The following ADAMTSL1 variants were observed in gnomAD, a reference collection of about 807,000 sequenced individuals.
The protein encoded by ADAMTSL1 is ADAMTS like 1.
ADAMTSL1 carries 126 observed loss-of-function variants against 201.8 expected under a neutral mutation model. The ratio of observed to expected loss-of-function variants is 0.62; its 90% CI spans 0.54 to 0.72. The LOEUF (loss-of-function observed/expected upper bound fraction) is 0.72. ADAMTSL1 is among the 30% of genes least tolerant of loss of function. The pLI is 0.00. For missense variants in ADAMTSL1, 2,679 were observed against 2,277.8 expected, an observed-to-expected ratio of 1.18 and a Z score of -3.59; for synonymous variants, 1,121 against 903.4, an observed-to-expected ratio of 1.24 and a Z score of -4.32.
intron 5 of ADAMTSL1, among the ~76,000 whole-genome samples, chr9:18,631,718 T>C (rs543669133): frequency 5.3e-4 from 81 of 152,212 alleles, no homozygotes; most frequent in Non-Finnish European, 9.0e-4. Context: ...ATATTCTATA[T>C]AGAAAGTTGT....
intron 23 of ADAMTSL1, among the ~76,000 whole-genome samples, chr9:18,863,971 ACT>A (rs1253163051): frequency 6.6e-6 from 1 of 152,098 alleles, no homozygotes; most frequent in Non-Finnish European, 1.5e-5. Context: ...AGTAAGTTTA[ACT>A]CTGTGAAAAA....
intron 23 of ADAMTSL1, among the ~76,000 whole-genome samples, chr9:18,856,969 G>A (rs10963805): frequency 0.094 from 14,276 of 152,110 alleles, 916 homozygotes; most frequent in Middle Eastern, 0.21. Context: ...CTGAGCCATC[G>A]GCAATTTCAC....
intron 14 of ADAMTSL1, among the ~76,000 whole-genome samples, chr9:18,715,191 CCT>C (rs1221645326): frequency 2.0e-5 from 3 of 148,754 alleles, no homozygotes; most frequent in Non-Finnish European, 4.5e-5. Context: ...ACAGGGATGC[CCT>C]CTCTCACCAC....
chr9:18,819,196 C>A (rs549042130), intron 21 of ADAMTSL1, among the ~76,000 whole-genome samples: 72 of 152,274 alleles, frequency 4.7e-4, no homozygotes, highest in African/African-American at 1.5e-3. Flanking sequence ...GGACTCACAC[C>A]TGTAATCACA....
intron 16 of ADAMTSL1, among the ~76,000 whole-genome samples, chr9:18,758,636 C>T (rs1256748352): frequency 2.0e-5 from 3 of 152,192 alleles, no homozygotes; most frequent in Non-Finnish European, 4.4e-5. Context: ...GACTCAGACC[C>T]TCCTGCCTCC....
intron 2 of ADAMTSL1, among the ~76,000 whole-genome samples, chr9:18,431,978 A>C (rs1393815348): frequency 6.6e-6 from 1 of 152,202 alleles, no homozygotes; most frequent in Non-Finnish European, 1.5e-5. Context: ...GAAAACTGAA[A>C]GCCCATAGCA....
chr9:18,265,741 A>G (rs1449092631), intron 2 of ADAMTSL1, among the ~76,000 whole-genome samples: 1 of 152,226 alleles, frequency 6.6e-6, no homozygotes, highest in African/African-American at 2.4e-5. Flanking sequence ...TCTTAAATAG[A>G]ATCATTACAC....
At chr9:18,233,038 T>G (rs374743444) in intron 2 of ADAMTSL1, among the ~76,000 whole-genome samples, 3 of 152,218 alleles carry the variant, frequency 2.0e-5, no homozygotes, top group South Asian at 4.1e-4. Context: ...CTACATCTCA[T>G]CTAGGAAACT....
chr9:18,251,892 C>T (rs72684967), intron 2 of ADAMTSL1, among the ~76,000 whole-genome samples: 5,094 of 152,222 alleles, frequency 0.033, 129 homozygotes, highest in Non-Finnish European at 0.054. Context: ...CTAAATAAAA[C>T]TGGATAGCAT....
chr9:17,913,769 C>T (rs747232130), intron 1 of ADAMTSL1, among the ~76,000 whole-genome samples: 22 of 151,484 alleles, frequency 1.5e-4, no homozygotes, highest in African/African-American at 4.4e-4. Flanking sequence ...ATTGATAGAC[C>T]GCTAGCGAGA....
At chr9:18,028,998 T>A (rs1820817229) in intron 1 of ADAMTSL1, among the ~76,000 whole-genome samples, 2 of 152,184 alleles carry the variant, frequency 1.3e-5, no homozygotes, top group South Asian at 2.1e-4. Flanking sequence ...GATGGATTCC[T>A]AGGTATTTTA....
chr9:18,253,447 T>G (rs566004025), intron 2 of ADAMTSL1, among the ~76,000 whole-genome samples: 3 of 152,188 alleles, frequency 2.0e-5, no homozygotes, highest in Non-Finnish European at 2.9e-5. Flanking sequence ...TTATCAAAGA[T>G]AGTGTAAAAA....
intron 1 of ADAMTSL1, among the ~76,000 whole-genome samples, chr9:18,123,658 C>T (rs539561470): frequency 3.3e-5 from 5 of 152,174 alleles, no homozygotes; most frequent in African/African-American, 1.2e-4. Flanking sequence ...TGTATAGGTT[C>T]AATGAATTTT....
intron 2 of ADAMTSL1, among the ~76,000 whole-genome samples, chr9:18,174,344 A>G (rs1045184775): frequency 2.0e-5 from 3 of 152,088 alleles, no homozygotes; most frequent in Non-Finnish European, 2.9e-5. Context: ...TCAGTAGTTG[A>G]AGGCAGTTGA....
chr9:18,293,481 G>A (rs1833353518), intron 2 of ADAMTSL1, among the ~76,000 whole-genome samples: 1 of 152,118 alleles, frequency 6.6e-6, no homozygotes, highest in Non-Finnish European at 1.5e-5. Flanking sequence ...ATACTGTCTG[G>A]GCCAGTGCCG....
At chr9:18,401,708 C>T (rs1817992235) in intron 2 of ADAMTSL1, among the ~76,000 whole-genome samples, 2 of 152,138 alleles carry the variant, frequency 1.3e-5, no homozygotes, top group African/African-American at 4.8e-5. Context: ...GAATCCTTTT[C>T]ATCAAATATT....
intron 4 of ADAMTSL1, among the ~76,000 whole-genome samples, chr9:18,621,592 AC>A (rs1826037698): frequency 7.6e-6 from 1 of 131,374 alleles, no homozygotes. Flanking sequence ...ACACACACAC[AC>A]ACACACAGTA....
chr9:18,208,234 A>G (rs1163825823), intron 2 of ADAMTSL1, among the ~76,000 whole-genome samples: 1 of 152,150 alleles, frequency 6.6e-6, no homozygotes, highest in Non-Finnish European at 1.5e-5. Context: ...TATAACATGT[A>G]CTTATTATCC....
intron 2 of ADAMTSL1, among the ~76,000 whole-genome samples, chr9:18,359,815 A>ACCC (rs1563911410): frequency 6.6e-4 from 31 of 46,870 alleles, no homozygotes; most frequent in Admixed American, 1.8e-3. Context: ...TTAATGCCCC[A>ACCC]CCTCCCCACC....
Sources: allele counts gnomAD v4.1 joint callset (sites outside exome capture counted in the v4.1 genomes callset), GRCh38; gene constraint gnomAD v4.1.1; transcripts MANE v1.5; gene names NCBI Gene and HGNC (gene_info 2026-07-23, HGNC 2026-07-21).